The following LUZP2 variants were observed in gnomAD, a reference collection of about 807,000 sequenced individuals.
LUZP2 encodes leucine zipper protein 2.
In LUZP2, 52 loss-of-function variants were observed where a neutral mutation model predicts 51.6. That is an observed-to-expected ratio of 1.01 (90% CI 0.81 to 1.27). The LOEUF is 1.27. Among genes scored for constraint, LUZP2 ranks in the 50% most tolerant of loss-of-function variants. The pLI is 0.00. For synonymous variants in LUZP2, 154 were observed against 137.3 expected, an observed-to-expected ratio of 1.12 and a Z score of -0.85; for missense variants, 436 against 395.4, an observed-to-expected ratio of 1.10 and a Z score of -0.87.
chr11:24,967,953 T>G (rs1005571657), intron 7 of LUZP2, among the ~76,000 whole-genome samples: 12 of 152,200 alleles, frequency 7.9e-5, no homozygotes, highest in African/African-American at 2.9e-4. Flanking sequence ...GGTTGATATA[T>G]TACAGAGACT....
intron 1 of LUZP2, among the ~76,000 whole-genome samples, chr11:24,726,289 G>C (rs1858471774): frequency 6.6e-6 from 1 of 151,844 alleles, no homozygotes; most frequent in Non-Finnish European, 1.5e-5. Context: ...TTTCTTTTAA[G>C]AAAAAGGGAG....
chr11:24,661,637 G>T (rs555544728), intron 1 of LUZP2, among the ~76,000 whole-genome samples: 1 of 152,176 alleles, frequency 6.6e-6, no homozygotes, highest in African/African-American at 2.4e-5. Flanking sequence ...TCTTTGTATT[G>T]AAATCCAATG....
intron 5 of LUZP2, among the ~76,000 whole-genome samples, chr11:24,882,617 C>T (rs1366752185): frequency 6.6e-6 from 1 of 151,946 alleles, no homozygotes; most frequent in Non-Finnish European, 1.5e-5. Context: ...CTTCCTCCCT[C>T]TTAACCTTCG....
At chr11:24,922,490 CTT>C (rs1666464967) in intron 7 of LUZP2, among the ~76,000 whole-genome samples, 2 of 152,286 alleles carry the variant, frequency 1.3e-5, no homozygotes, top group Admixed American at 1.3e-4. Flanking sequence ...TTAATTTAAA[CTT>C]ATGTCATCCA....
At chr11:24,675,176 T>C (rs1009811515) in intron 1 of LUZP2, among the ~76,000 whole-genome samples, 1 of 152,140 alleles carries the variant, frequency 6.6e-6, no homozygotes, top group Admixed American at 6.5e-5. Context: ...TGAAGTGGAA[T>C]TGGGTTGTTT....
intron 7 of LUZP2, among the ~76,000 whole-genome samples, chr11:24,920,111 A>G (rs1023419643): frequency 4.0e-5 from 6 of 151,840 alleles, no homozygotes; most frequent in Admixed American, 3.3e-4. Context: ...GTAGGGGTAA[A>G]TTAAAAACAA....
intron 1 of LUZP2, among the ~76,000 whole-genome samples, chr11:24,549,175 C>A (rs1381288651): frequency 2.6e-5 from 4 of 151,788 alleles, no homozygotes; most frequent in Non-Finnish European, 5.9e-5. Context: ...TATTTTATAA[C>A]CTTTTCCTGT....
intron 7 of LUZP2, among the ~76,000 whole-genome samples, chr11:24,952,082 A>C (rs942701865): frequency 1.3e-5 from 2 of 151,710 alleles, no homozygotes; most frequent in African/African-American, 4.8e-5. Context: ...GAGGTTGAGG[A>C]GAATCATAGA....
rs1017808396 is a variant in LUZP2 at position 25,048,678 on chromosome 11, C to T, written c.766-1360C>T. ...TAGAGAAATTAGAGGGGAGGTCAGA[C>T]GTAGGATTCCTAAACAAAAGAAAGA... On this transcript the variant is annotated intron_variant, in intron 9 of 11. Coordinates refer to ENST00000336930, the MANE Select transcript of LUZP2 (RefSeq NM_001009909.4). Among the ~76,000 whole-genome samples the T allele has an allele frequency of 5.3e-5, 8 of 151,604 alleles. No homozygotes were observed. The East Asian group carries it at 5.8e-4, about 11-fold the overall frequency.
At chr11:24,990,874 C>T (rs187748933) in intron 9 of LUZP2, among the ~76,000 whole-genome samples, 1 of 151,916 alleles carries the variant, frequency 6.6e-6, no homozygotes, top group Non-Finnish European at 1.5e-5. Context: ...ACTTCTACCC[C>T]CCTTTCATGG....
intron 4 of LUZP2, among the ~76,000 whole-genome samples, chr11:24,755,881 T>A (rs1033641311): frequency 2.0e-5 from 3 of 152,198 alleles, no homozygotes; most frequent in Non-Finnish European, 1.5e-5. Context: ...TGGCTCTTTT[T>A]ATCTGTAAAG....
rs187264320 is a variant in LUZP2 at position 24,617,103 on chromosome 11, C to T, written c.63-112066C>T. On this transcript the variant is annotated intron_variant, in intron 1 of 11. Coordinates refer to ENST00000336930, the MANE Select transcript of LUZP2 (RefSeq NM_001009909.4). ...GTTAAAACAGAGGTAGTAGATGTTT[C>T]ATCATATGCTCAGGTGTTCCTGATG... Among the ~76,000 whole-genome samples the T allele has an allele frequency of 2.7e-3, 408 of 152,254 alleles. 3 individuals carry two copies. Among genetic ancestry groups the T allele is most frequent in the African/African-American group, 9.0e-3 (376 of 41,566 alleles).
At chr11:24,969,164 C>G (rs1409225836) in intron 7 of LUZP2, among the ~76,000 whole-genome samples, 1 of 152,116 alleles carries the variant, frequency 6.6e-6, no homozygotes, top group South Asian at 2.1e-4. Flanking sequence ...TTCTACTCCT[C>G]CTGCCCACTC....
At chr11:24,654,636 C>T (rs1163361101) in intron 1 of LUZP2, among the ~76,000 whole-genome samples, 2 of 147,236 alleles carry the variant, frequency 1.4e-5, no homozygotes, top group South Asian at 2.2e-4. Context: ...CCCACCCCCA[C>T]CCCACCCACC....
At chr11:24,876,054 G>T (rs1852250396) in intron 5 of LUZP2, among the ~76,000 whole-genome samples, 1 of 152,020 alleles carries the variant, frequency 6.6e-6, no homozygotes, top group African/African-American at 2.4e-5. Flanking sequence ...TCTGTAGGTT[G>T]TCTGTTCACT....
At position 25,078,749 on chromosome 11, in the gene LUZP2, C is replaced by T. The variant is rs1859392732; in HGVS notation, c.*91C>T. 2.0e-6 allele frequency: 2 copies of T among 994,496 alleles called. No individual in the cohort carries two copies. The highest frequency in any genetic ancestry group is 1.5e-6 in the Non-Finnish European group (1 of 668,718). The allele number at this position is 994,496 out of a possible 1,614,324, so 61.6% of individuals were successfully genotyped here. On this transcript the variant is annotated 3_prime_UTR_variant, in exon 12 of 12. Coordinates refer to ENST00000336930, the MANE Select transcript of LUZP2 (RefSeq NM_001009909.4). ...CTTGATGGAAATACTGTTTCTAAAG[C>T]ATGCAACTTTTTCACAATTTTATGT...
intron 1 of LUZP2, among the ~76,000 whole-genome samples, chr11:24,594,570 G>T (rs183306213): frequency 1.2e-3 from 181 of 152,084 alleles, no homozygotes; most frequent in African/African-American, 4.3e-3. Flanking sequence ...TACCTTGGAG[G>T]TTATTTTTCC....
intron 9 of LUZP2, among the ~76,000 whole-genome samples, chr11:25,047,673 T>C (rs1390796878): frequency 1.3e-5 from 2 of 152,178 alleles, no homozygotes; most frequent in Admixed American, 6.6e-5. Flanking sequence ...TCAGCTGTTG[T>C]TGCCATATAC....
At chr11:24,867,110 T>C (rs1851923569) in intron 5 of LUZP2, among the ~76,000 whole-genome samples, 1 of 152,108 alleles carries the variant, frequency 6.6e-6, no homozygotes, top group South Asian at 2.1e-4. Context: ...GACCAGAGTC[T>C]TTCTTCTTTT....
Sources: allele counts gnomAD v4.1 joint callset (sites outside exome capture counted in the v4.1 genomes callset), GRCh38; gene constraint gnomAD v4.1.1; transcripts MANE v1.5; gene names NCBI Gene and HGNC (gene_info 2026-07-23, HGNC 2026-07-21).